The following OXR1 variants were observed in gnomAD, a reference collection of about 807,000 sequenced individuals.
The protein encoded by OXR1 is oxidation resistance 1.
OXR1 carries 41 observed loss-of-function variants against 104.6 expected under a neutral mutation model. The observed-to-expected ratio is 0.39, with a 90% CI of 0.31 to 0.51. The LOEUF (loss-of-function observed/expected upper bound fraction) is 0.51, where lower values mean the gene tolerates loss of function less well. Ranked by LOEUF, OXR1 falls within the 20% of genes least tolerant of loss-of-function variation. The pLI is 0.77. For missense variants in OXR1, 955 were observed against 1,031.9 expected (o/e 0.93, Z 1.02); for synonymous variants, 348 against 348.4 (o/e 1.00, Z 0.01).
intron 1 of OXR1, among the ~76,000 whole-genome samples, chr8:106,297,538 T>C (rs1220847936): frequency 6.6e-6 from 1 of 150,570 alleles, no homozygotes; most frequent in Non-Finnish European, 1.5e-5. Context: ...TACCGAATAC[T>C]GTAGGCAGTT....
intron 1 of OXR1, among the ~76,000 whole-genome samples, chr8:106,289,439 G>A (rs1812651024): frequency 6.6e-6 from 1 of 152,072 alleles, no homozygotes; most frequent in East Asian, 1.9e-4. Flanking sequence ...GAAATACTTA[G>A]GAACACAGCT....
At chr8:106,744,565 A>G (rs370536867) in intron 15 of OXR1, among the ~76,000 whole-genome samples, 12 of 152,348 alleles carry the variant, frequency 7.9e-5, no homozygotes, top group African/African-American at 2.9e-4. Context: ...AGCATAAAAA[A>G]TAAATTATTT....
intron 2 of OXR1, among the ~76,000 whole-genome samples, chr8:106,476,513 A>G (rs542949740): frequency 2.0e-5 from 3 of 152,090 alleles, no homozygotes; most frequent in East Asian, 3.9e-4. Context: ...ACAAAATGGT[A>G]GAGTTAGCCT....
chr8:106,476,058 A>G (rs1821792982), intron 2 of OXR1, among the ~76,000 whole-genome samples: 1 of 144,736 alleles, frequency 6.9e-6, no homozygotes, highest in Non-Finnish European at 1.5e-5. Flanking sequence ...GGTAGCTTCA[A>G]TGGTGCAGTC....
chr8:106,437,966 A>G (rs1819644723), intron 2 of OXR1, among the ~76,000 whole-genome samples: 1 of 152,162 alleles, frequency 6.6e-6, no homozygotes, highest in Non-Finnish European at 1.5e-5. Context: ...CTGGGGGCTT[A>G]TACACTAGCT....
chr8:106,697,584 G>A (rs1275860209), intron 7 of OXR1: 1 of 1,611,186 alleles, frequency 6.2e-7, no homozygotes, highest in African/African-American at 1.3e-5. Context: ...CCCCAGAGAA[G>A]AGCCCATCAT....
At chr8:106,612,083 A>G (rs1202149055) in intron 3 of OXR1, among the ~76,000 whole-genome samples, 1 of 136,540 alleles carries the variant, frequency 7.3e-6, no homozygotes, top group East Asian at 2.2e-4. Context: ...TACTCATTTC[A>G]TAATTTTCTC....
intron 2 of OXR1, among the ~76,000 whole-genome samples, chr8:106,391,569 G>A (rs1318791157): frequency 1.3e-5 from 2 of 152,078 alleles, no homozygotes; most frequent in Non-Finnish European, 2.9e-5. Context: ...GAGATTTCAA[G>A]TCTGTGTCCC....
At chr8:106,696,311 C>A (rs140997521) in intron 7 of OXR1, among the ~76,000 whole-genome samples, 1 of 152,136 alleles carries the variant, frequency 6.6e-6, no homozygotes, top group African/African-American at 2.4e-5. Flanking sequence ...CACCTTAATT[C>A]TTTTTACTAA....
chr8:106,739,075 T>TACACACACACACACAC (rs71307086), intron 12 of OXR1, among the ~76,000 whole-genome samples: 2,127 of 141,592 alleles, frequency 0.015, 35 homozygotes, highest in East Asian at 0.027. Flanking sequence ...TTAAATAGCA[T>TACACACACACACACAC]ACACACACAC....
intron 3 of OXR1, among the ~76,000 whole-genome samples, chr8:106,560,740 G>T (rs1056387259): frequency 6.6e-6 from 1 of 152,156 alleles, no homozygotes; most frequent in Non-Finnish European, 1.5e-5. Flanking sequence ...ATAGGAACAC[G>T]TCTGGTCTGC....
At chr8:106,746,857 A>G (rs1835439306) in intron 16 of OXR1, among the ~76,000 whole-genome samples, 1 of 152,088 alleles carries the variant, frequency 6.6e-6, no homozygotes, top group Non-Finnish European at 1.5e-5. Context: ...TAGCTCTCCA[A>G]CAGGTCCACT....
intron 3 of OXR1, among the ~76,000 whole-genome samples, chr8:106,563,823 G>A (rs1586818042): frequency 6.6e-6 from 1 of 152,110 alleles, no homozygotes; most frequent in African/African-American, 2.4e-5. Flanking sequence ...TTAGAACTCA[G>A]ATTAGGAAAC....
At chr8:106,618,969 A>G (rs1008468340) in intron 3 of OXR1, among the ~76,000 whole-genome samples, 2 of 152,138 alleles carry the variant, frequency 1.3e-5, no homozygotes, top group African/African-American at 2.4e-5. Context: ...AATGGAAGGA[A>G]TAAAGATATA....
chr8:106,349,206 A>AT (rs1738307083), intron 1 of OXR1, among the ~76,000 whole-genome samples: 1 of 152,158 alleles, frequency 6.6e-6, no homozygotes, highest in African/African-American at 2.4e-5. Context: ...TGATCATATG[A>AT]TTTTTTGATC....
At chr8:106,408,130 C>T (rs1818312361) in intron 2 of OXR1, among the ~76,000 whole-genome samples, 1 of 152,152 alleles carries the variant, frequency 6.6e-6, no homozygotes, top group African/African-American at 2.4e-5. Flanking sequence ...AAAGAATCAT[C>T]GATCCCCAAA....
intron 7 of OXR1, chr8:106,697,731 A>T: frequency 6.2e-7 from 1 of 1,613,970 alleles, no homozygotes; most frequent in Non-Finnish European, 8.5e-7. Flanking sequence ...GCAGGAACTG[A>T]GAGATCTTCT....
At chr8:106,725,389 A>G (rs10108240) in intron 11 of OXR1, among the ~76,000 whole-genome samples, 21,220 of 152,204 alleles carry the variant, frequency 0.14, 1,808 homozygotes, top group East Asian at 0.37. Flanking sequence ...AGAAATTTTC[A>G]AATGTATCAT....
At chr8:106,423,727 A>G (rs1818994811) in intron 2 of OXR1, among the ~76,000 whole-genome samples, 1 of 152,196 alleles carries the variant, frequency 6.6e-6, no homozygotes, top group Non-Finnish European at 1.5e-5. Context: ...GGAGATGAAG[A>G]CAAAATGAAA....
Sources: allele counts gnomAD v4.1 joint callset (sites outside exome capture counted in the v4.1 genomes callset), GRCh38; gene constraint gnomAD v4.1.1; transcripts MANE v1.5; gene names NCBI Gene and HGNC (gene_info 2026-07-23, HGNC 2026-07-21).